Variants in SLC41A2 observed in about 807,000 individuals in gnomAD.
The protein encoded by SLC41A2 is SLC41A1-like 1.
Under a neutral mutation model 58.3 loss-of-function variants are expected in SLC41A2, and 32 were observed. The observed-to-expected ratio is 0.55, with a 90% CI of 0.41 to 0.74. SLC41A2 has a LOEUF of 0.74. Among genes scored for constraint, SLC41A2 ranks in the 30% least tolerant of loss-of-function variants. The pLI is 0.00. For synonymous variants in SLC41A2, 190 were observed against 235.0 expected (o/e 0.81, Z 1.75); for missense variants, 514 against 680.6 (o/e 0.76, Z 2.72).
intron 3 of SLC41A2, among the ~76,000 whole-genome samples, chr12:104,904,711 C>T (rs1361906692): frequency 6.6e-6 from 1 of 151,622 alleles, no homozygotes; most frequent in Non-Finnish European, 1.5e-5. Context: ...AGTGAAGCTG[C>T]AGACCTTCGC....
intron 2 of SLC41A2, among the ~76,000 whole-genome samples, chr12:104,927,262 A>T (rs1366684120): frequency 6.6e-6 from 1 of 152,190 alleles, no homozygotes; most frequent in East Asian, 1.9e-4. Flanking sequence ...TGAAAACATT[A>T]CTATATGAAT....
At chr12:104,920,409 T>A (rs1312255494) in intron 2 of SLC41A2, among the ~76,000 whole-genome samples, 1 of 151,836 alleles carries the variant, frequency 6.6e-6, no homozygotes, top group Middle Eastern at 3.2e-3. Context: ...TCAGAGAAAT[T>A]TAACAAAGAG....
At chr12:104,843,345 T>C (rs1032351569) in intron 10 of SLC41A2, among the ~76,000 whole-genome samples, 5 of 151,996 alleles carry the variant, frequency 3.3e-5, no homozygotes, top group African/African-American at 1.2e-4. Flanking sequence ...AATTATTCGA[T>C]AGGTGACTTT....
intron 3 of SLC41A2, among the ~76,000 whole-genome samples, chr12:104,901,281 ACCTCAAAC>A (rs1299209699): frequency 6.6e-6 from 1 of 152,010 alleles, no homozygotes. Flanking sequence ...AAAATTTTAG[ACCTCAAAC>A]AATAGAAAAA....
intron 6 of SLC41A2, among the ~76,000 whole-genome samples, chr12:104,875,682 A>G (rs1407408257): frequency 1.3e-5 from 2 of 152,172 alleles, no homozygotes; most frequent in East Asian, 3.9e-4. Context: ...AGTTCCTGAT[A>G]CTTGGGAGGC....
chr12:104,849,025 T>A (rs1473040563), intron 8 of SLC41A2, among the ~76,000 whole-genome samples: 2 of 152,106 alleles, frequency 1.3e-5, no homozygotes, highest in South Asian at 2.1e-4. Context: ...CAAAAACCTA[T>A]GCAATTTGAT....
chr12:104,896,278 T>C (rs1057181526), intron 3 of SLC41A2, among the ~76,000 whole-genome samples: 1 of 152,214 alleles, frequency 6.6e-6, no homozygotes, highest in African/African-American at 2.4e-5. Context: ...GGAAAACAGA[T>C]TCTATTCTGT....
In SLC41A2 at chr12:104,802,897, G is replaced by A. The variant is rs1245984237; in HGVS notation, c.*2255C>T. The A allele has an allele frequency of 6.6e-6, 1 of 152,102 alleles. No individual in the cohort carries two copies. The highest frequency in any genetic ancestry group is 1.5e-5 in the Non-Finnish European group (1 of 67,984). The allele number at this position is 152,102 out of a possible 1,614,324, so 9.4% of individuals were successfully genotyped here. ...ATAAACATGTCATAGAAAGAGTACT[G>A]GCATTATGAAAACCTGGATGTTAGG... On this transcript the variant is annotated 3_prime_UTR_variant, in exon 11 of 11. Transcript: ENST00000258538.
chr12:104,831,159 C>T (rs573447986), intron 10 of SLC41A2, among the ~76,000 whole-genome samples: 19 of 152,256 alleles, frequency 1.2e-4, no homozygotes, highest in East Asian at 7.7e-4. Context: ...TCTGCCTCAG[C>T]CTCCTAAAAT....
At chr12:104,839,496 TTTTC>T (rs1191595495) in intron 10 of SLC41A2, among the ~76,000 whole-genome samples, 1 of 149,386 alleles carries the variant, frequency 6.7e-6, no homozygotes, top group Non-Finnish European at 1.5e-5. Flanking sequence ...CTCTTTCAGT[TTTTC>T]TTTTTTTTTT....
At chr12:104,881,021 A>G (rs1024867401) in intron 6 of SLC41A2, among the ~76,000 whole-genome samples, 139 of 152,198 alleles carry the variant, frequency 9.1e-4, no homozygotes, top group African/African-American at 3.3e-3. Context: ...CAGGGATTCA[A>G]CTTCTTCCTG....
At chr12:104,845,813 T>C in intron 9 of SLC41A2, 30 bp downstream of exon 9, 1 of 1,585,388 alleles carries the variant, frequency 6.3e-7, no homozygotes, top group Non-Finnish European at 8.6e-7. Context: ...GCCCTTGATC[T>C]AAAATATGCA....
intron 10 of SLC41A2, among the ~76,000 whole-genome samples, chr12:104,816,059 C>T (rs7980120): frequency 1.3e-5 from 2 of 152,010 alleles, no homozygotes; most frequent in African/African-American, 2.4e-5. Flanking sequence ...AGTGGTTGCC[C>T]GGTAACACAG....
intron 3 of SLC41A2, among the ~76,000 whole-genome samples, chr12:104,909,104 T>A (rs571820272): frequency 6.6e-6 from 1 of 152,304 alleles, no homozygotes; most frequent in Non-Finnish European, 1.5e-5. Context: ...AGATTATAAA[T>A]GAGAATATAT....
chr12:104,887,873 T>G (rs2135659218), intron 5 of SLC41A2, among the ~76,000 whole-genome samples: 1 of 152,102 alleles, frequency 6.6e-6, no homozygotes, highest in South Asian at 2.1e-4. Context: ...TATACTAAAG[T>G]GCTTATAAAG....
At chr12:104,891,029 A>G (rs2044937000) in intron 4 of SLC41A2, among the ~76,000 whole-genome samples, 1 of 152,072 alleles carries the variant, frequency 6.6e-6, no homozygotes, top group South Asian at 2.1e-4. Flanking sequence ...ACTCTTTCAC[A>G]AGTGTTAGCA....
chr12:104,884,332 A>C (rs1009798340), intron 6 of SLC41A2, among the ~76,000 whole-genome samples: 1 of 152,102 alleles, frequency 6.6e-6, no homozygotes, highest in African/African-American at 2.4e-5. Context: ...TTCGGCTCAC[A>C]CACTGTGGGC....
intron 6 of SLC41A2, among the ~76,000 whole-genome samples, chr12:104,880,934 C>T (rs984205769): frequency 6.6e-6 from 1 of 152,202 alleles, no homozygotes; most frequent in East Asian, 1.9e-4. Context: ...AGCTGTGAAT[C>T]CGTCTGGTCC....
At chr12:104,947,400 A>T (rs946493333) in intron 1 of SLC41A2, among the ~76,000 whole-genome samples, 4 of 151,282 alleles carry the variant, frequency 2.6e-5, no homozygotes, top group Admixed American at 2.0e-4. Context: ...GACAAAGTTC[A>T]CCATGTTGGC....
Sources: allele counts gnomAD v4.1 joint callset (sites outside exome capture counted in the v4.1 genomes callset), GRCh38; gene constraint gnomAD v4.1.1; transcripts MANE v1.5; gene names NCBI Gene and HGNC (gene_info 2026-07-23, HGNC 2026-07-21).